Variants in CD163 observed in about 807,000 individuals in gnomAD.
CD163 encodes the protein scavenger receptor cysteine-rich type 1 protein M130.
CD163 carries 64 observed loss-of-function variants against 129.2 expected under a neutral mutation model. That is an observed-to-expected ratio of 0.50 (90% CI 0.41 to 0.61). The LOEUF is 0.61. CD163 is among the 20% of genes least tolerant of loss of function. The pLI is 0.00. For synonymous variants in CD163, 446 were observed against 478.5 expected, an observed-to-expected ratio of 0.93 and a Z score of 0.89; for missense variants, 1,061 against 1,377.9, an observed-to-expected ratio of 0.77 and a Z score of 3.64.
intron 11 of CD163, among the ~76,000 whole-genome samples, chr12:7,484,788 A>G (rs1041225525): frequency 1.1e-4 from 16 of 152,230 alleles, no homozygotes; most frequent in Admixed American, 6.5e-5. Context: ...CAACAGTCAA[A>G]TATTAAACCA....
chr12:7,483,632 A>C lies in CD163; in HGVS notation c.2823T>G (p.Arg941=). Residue 941 remains arginine, a synonymous_variant, in exon 12 of 17, where the codon CGT becomes CGG. Coordinates refer to ENST00000432237, the MANE Select transcript of CD163 (RefSeq NM_203416.4). ...LQEGPTSCSG[R]VEIWHGGSWG... ...AGGAACCTCCATGCCAGATCTCCAC[A>C]CGTCCAGAACAGGAAGTGGGTCCTT... 1 of 1,613,552 alleles carries C rather than the reference A, an allele frequency of 6.2e-7. No homozygotes were observed. Among genetic ancestry groups the C allele is most frequent in the Non-Finnish European group, 8.5e-7 (1 of 1,179,838 alleles).
Position 7,487,924 on chromosome 12 carries a change from C to G in CD163, c.1584G>C (p.Leu528=), listed in dbSNP as rs781435043. The G allele has an allele frequency of 6.2e-7, 1 of 1,614,050 alleles. No individual in the cohort carries two copies. The highest frequency in any genetic ancestry group is 1.3e-5 in the African/African-American group (1 of 74,996). The change falls in exon 7 of 17, where the codon CTG becomes CTC. Residue 528 remains leucine (L), a synonymous_variant. Coordinates refer to ENST00000432237, the MANE Select transcript of CD163 (RefSeq NM_203416.4). This position sits in a 1 kb window ranked among gnomAD's most constrained non-coding sequence, Gnocchi z 5.1. ...ELQCGTVVSI[L]GGAHFGEGNG... is the part of the protein sequence containing the mutation. ...TTCCCTCTCCAAAGTGAGCTCCCCC[C>G]AGGATAGAGACAACTGTGCCACACT...
intron 3 of CD163, among the ~76,000 whole-genome samples, chr12:7,499,576 C>T (rs763511208): frequency 1.3e-5 from 2 of 152,054 alleles, no homozygotes; most frequent in Admixed American, 6.6e-5. Flanking sequence ...TGATTAACTC[C>T]ACTGGTAGTT....
Position 7,502,512 on chromosome 12 carries a change from T to C in CD163, c.99A>G (p.Leu33=), listed in dbSNP as rs772527364. The stretch of plus-strand genomic sequence containing the variant: ...TGGTGACAAAACAGGCACTGAGAAG[T>C]AAGACCACAGTAATGGTGAAGGGAC... ...NLSPFTITVV[L]LLSACFVTSS... Residue 33 remains leucine (L), a synonymous_variant, in exon 2 of 17, where the codon TTA becomes TTG. Transcript: ENST00000432237. 1.1e-5 allele frequency: 18 copies of C among 1,606,270 alleles called. No homozygotes were observed. Among genetic ancestry groups the C allele is most frequent in the African/African-American group, 1.3e-5 (1 of 74,758 alleles).
At chr12:7,475,625 C>T (rs1281241578) in intron 16 of CD163, among the ~76,000 whole-genome samples, 3 of 152,032 alleles carry the variant, frequency 2.0e-5, no homozygotes. Context: ...AACCCATAGC[C>T]AATATAATAT....
intron 6 of CD163, among the ~76,000 whole-genome samples, chr12:7,492,966 A>G (rs888145888): frequency 6.6e-6 from 1 of 152,214 alleles, no homozygotes; most frequent in Admixed American, 6.5e-5. Context: ...GGCAGTGGTC[A>G]ATAATTAAAG....
chr12:7,502,754 T>C (rs1949511859), intron 1 of CD163, 190 bp from the exon 2 acceptor site: 2 of 627,666 alleles, frequency 3.2e-6, no homozygotes, highest in East Asian at 2.7e-5. Flanking sequence ...GTTTTGAAAA[T>C]GTTCATGTTT....
At chr12:7,497,753 A>G (rs900258200) in intron 4 of CD163, among the ~76,000 whole-genome samples, 8 of 152,146 alleles carry the variant, frequency 5.3e-5, no homozygotes, top group Non-Finnish European at 8.8e-5. Flanking sequence ...TCATTCCCAC[A>G]ATGTTATTCA....
rs1949242568 is a variant in CD163 at position 7,485,968 on chromosome 12, T to C, written c.2458+531A>G. Reference sequence around the variant, plus strand: ...CCCATAATACATATGAAATAGTACATTTTTAAATTTCAGAATGTTTTCTAA... The same window carrying C: ...CCCATAATACATATGAAATAGTACACTTTTAAATTTCAGAATGTTTTCTAA... On this transcript the variant is annotated intron_variant, in intron 10 of 16. Coordinates refer to ENST00000432237, the MANE Select transcript of CD163 (RefSeq NM_203416.4). The surrounding 1 kb of genome is among the most constrained non-coding windows in gnomAD (Gnocchi z 4.5). Among the ~76,000 whole-genome samples the C allele has an allele frequency of 6.6e-6, 1 of 152,198 alleles. No individual in the cohort carries two copies. Among genetic ancestry groups the C allele is most frequent in the Admixed American group, 6.5e-5 (1 of 15,274 alleles).
At chr12:7,502,409 A>C in intron 2 of CD163, 69 bp downstream of exon 2, 1 of 981,710 alleles carries the variant, frequency 1.0e-6, no homozygotes. Context: ...CTTCAGAAAA[A>C]TTGTTTGCCT....
At chr12:7,479,388 T>C (rs1283009584) in intron 16 of CD163, among the ~76,000 whole-genome samples, 1 of 152,180 alleles carries the variant, frequency 6.6e-6, no homozygotes, top group Admixed American at 6.5e-5. Flanking sequence ...AGTTTGCACA[T>C]ACTGTGTCCT....
At position 7,487,658 on chromosome 12, in the gene CD163, C is replaced by A. The variant is rs775827673; in HGVS notation, c.1751G>T (p.Arg584Leu). ...GVVCSRYTEI[R>L]LVNGKTPCEG... is the part of the protein sequence containing the mutation. ...ACACGGGGTCTTGCCATTCACCAAGCGAATTTCTGTGTATCCTGGAAGGAG... is the reference window on the plus strand; with the variant it reads ...ACACGGGGTCTTGCCATTCACCAAGAGAATTTCTGTGTATCCTGGAAGGAG... The change falls in exon 8 of 17, where the codon CGC (arginine) becomes CTC (leucine). Residue 584 changes from arginine (R) to leucine (L), a missense_variant. Physicochemically the swap from Arg to Leu is moderately radical, Grantham distance 102 (BLOSUM62 -2). Transcript: ENST00000432237. The surrounding 1 kb of genome is among the most constrained non-coding windows in gnomAD (Gnocchi z 5.1). The A allele has an allele frequency of 6.2e-7, 1 of 1,614,076 alleles. No homozygotes were observed. The highest frequency in any genetic ancestry group is 8.5e-7 in the Non-Finnish European group (1 of 1,180,004).
chr12:7,491,801 G>A (rs1025972467), intron 6 of CD163, among the ~76,000 whole-genome samples: 3 of 151,966 alleles, frequency 2.0e-5, no homozygotes, highest in Non-Finnish European at 2.9e-5. Context: ...GTTTCTTAAG[G>A]TCAGATGTCC....
At position 7,483,631 on chromosome 12, in the gene CD163, C is replaced by T. The variant is rs779801921; in HGVS notation, c.2824G>A (p.Val942Met). 3 of 1,613,528 alleles carry T rather than the reference C, an allele frequency of 1.9e-6. No homozygotes were observed. The East Asian group carries it at 6.7e-5, about 36-fold the overall frequency. ...CAGGAACCTCCATGCCAGATCTCCA[C>T]ACGTCCAGAACAGGAAGTGGGTCCT... ...QEGPTSCSGR[V>M]EIWHGGSWGT... The change falls in exon 12 of 17, where the codon GTG becomes ATG. Residue 942 changes from valine to methionine, a missense_variant. Transcript: ENST00000432237.
chr12:7,488,114 G>C lies in CD163; in HGVS notation c.1421-27C>G, dbSNP rs761054822. Reference sequence around the variant, plus strand: ...TGAAAAATAAATATTATTTCAGTGAGAGGTAATATGATTTCCAGATTTCCA... The same window carrying C: ...TGAAAAATAAATATTATTTCAGTGACAGGTAATATGATTTCCAGATTTCCA... On this transcript the variant is annotated intron_variant, in intron 6 of 16. Coordinates refer to ENST00000432237, the MANE Select transcript of CD163 (RefSeq NM_203416.4). 3.8e-5 allele frequency: 58 copies of C among 1,544,500 alleles called. No individual in the cohort carries two copies. In the South Asian group the frequency reaches 7.2e-4, roughly 19 times the overall value.
chr12:7,501,414 C>G lies in CD163; in HGVS notation c.182G>C (p.Ser61Thr). The G allele has an allele frequency of 2.5e-6, 4 of 1,613,974 alleles. No individual in the cohort carries two copies. Among genetic ancestry groups the G allele is most frequent in the Non-Finnish European group, 3.4e-6 (4 of 1,179,976 alleles). ...LRLVDGENKC[S>T]GRVEVKVQEE... ...CTGGACTTTCACTTCCACTCTCCCGCTACACTTGTTTTCACCATCCACTAG... is the reference window on the plus strand; with the variant it reads ...CTGGACTTTCACTTCCACTCTCCCGGTACACTTGTTTTCACCATCCACTAG... The change falls in exon 3 of 17, where the codon AGC (serine) becomes ACC (threonine). Residue 61 changes from serine (S) to threonine (T), a missense_variant. By Grantham distance (58) the Ser-to-Thr change is moderately conservative. Coordinates refer to ENST00000432237, the MANE Select transcript of CD163 (RefSeq NM_203416.4).
chr12:7,499,369 G>A (rs1002545423), intron 3 of CD163, among the ~76,000 whole-genome samples, 181 bp from the exon 4 acceptor site: 7 of 152,118 alleles, frequency 4.6e-5, no homozygotes, highest in African/African-American at 7.2e-5. Context: ...AAGCAATTAG[G>A]ATTTTTATCT....
At chr12:7,481,390 C>A in intron 14 of CD163, 134 bp from the exon 15 acceptor site, 2 of 643,168 alleles carry the variant, frequency 3.1e-6, no homozygotes, top group South Asian at 1.8e-5. Flanking sequence ...ATTCTACTAC[C>A]AAGCTCTTCC....
At position 7,487,543 on chromosome 12, in the gene CD163, C is replaced by T; in HGVS notation, c.1866G>A (p.Gln622=). The change falls in exon 8 of 17, where the codon CAG becomes CAA. Residue 622 remains glutamine, a synonymous_variant. Transcript: ENST00000432237. The surrounding 1 kb of genome is among the most constrained non-coding windows in gnomAD (Gnocchi z 5.1). ...AAAGGGCAACTCCACATTTAAGCTG[C>T]TGGCAAAGAACATGGGCATCTTCTA... ...WDIEDAHVLC[Q]QLKCGVALST... is the part of the protein sequence containing the mutation. The T allele has an allele frequency of 6.2e-7, 1 of 1,614,130 alleles. No individual in the cohort carries two copies. The highest frequency in any genetic ancestry group is 8.5e-7 in the Non-Finnish European group (1 of 1,180,018).
Sources: allele counts gnomAD v4.1 joint callset (sites outside exome capture counted in the v4.1 genomes callset), GRCh38; gene constraint gnomAD v4.1.1; non-coding constraint Gnocchi (gnomAD v3.1); transcripts MANE v1.5; gene names NCBI Gene and HGNC (gene_info 2026-07-23, HGNC 2026-07-21).